SRGAP3: variants seen among roughly 807,000 people sequenced by gnomAD.
SRGAP3 encodes the protein SLIT-ROBO Rho GTPase-activating protein 3.
In SRGAP3, 39 loss-of-function variants were observed where a neutral mutation model predicts 121.1. The observed-to-expected ratio is 0.32, with a 90% CI of 0.25 to 0.42. The LOEUF (loss-of-function observed/expected upper bound fraction) is 0.42, where lower values mean the gene tolerates loss of function less well. SRGAP3 is among the 10% of genes least tolerant of loss of function. The pLI is 1.00. For missense variants in SRGAP3, 1,213 were observed against 1,470.6 expected, an observed-to-expected ratio of 0.82 and a Z score of 2.86; for synonymous variants, 601 against 570.0, an observed-to-expected ratio of 1.05 and a Z score of -0.77.
chr3:9,348,688 G>C, intron 1 of SRGAP3: 1 of 1,132,512 alleles, frequency 8.8e-7, no homozygotes, highest in Non-Finnish European at 1.3e-6. Context: ...CCAGTAGTGA[G>C]GATTGGTGCC....
intron 1 of SRGAP3, among the ~76,000 whole-genome samples, chr3:9,358,533 C>T (rs905351510): frequency 6.6e-6 from 1 of 152,212 alleles, no homozygotes; most frequent in South Asian, 2.1e-4. Flanking sequence ...AGCAGGCAAG[C>T]AATCAGTTCT....
chr3:9,113,298 C>T (rs1948695889), intron 2 of SRGAP3, among the ~76,000 whole-genome samples: 1 of 152,112 alleles, frequency 6.6e-6, no homozygotes, highest in East Asian at 1.9e-4. Context: ...AGGATCTGTC[C>T]CAGGCCTCTC....
chr3:9,202,039 GC>G (rs1174441617), intron 1 of SRGAP3, among the ~76,000 whole-genome samples: 1 of 151,810 alleles, frequency 6.6e-6, no homozygotes, highest in Non-Finnish European at 1.5e-5. Context: ...CCACAGTGAA[GC>G]CGGTTTCTTT....
intron 4 of SRGAP3, among the ~76,000 whole-genome samples, chr3:9,069,970 A>T (rs887073645): frequency 2.8e-4 from 43 of 152,310 alleles, no homozygotes; most frequent in African/African-American, 9.6e-4. Context: ...GAAAGAAAGA[A>T]AAGAAATAGC....
chr3:9,037,717 C>T, intron 11 of SRGAP3: 1 of 394,248 alleles, frequency 2.5e-6, no homozygotes, highest in South Asian at 2.9e-5. Context: ...GAGAGGTCAA[C>T]AGCCACCCCA....
At chr3:9,248,472 G>C (rs920760592) in intron 1 of SRGAP3, among the ~76,000 whole-genome samples, 6 of 152,038 alleles carry the variant, frequency 3.9e-5, no homozygotes, top group Non-Finnish European at 8.8e-5. Context: ...CCAAAAAGGG[G>C]GAGGAAAAAA....
intron 1 of SRGAP3, among the ~76,000 whole-genome samples, chr3:9,163,178 G>C (rs1950656481): frequency 6.6e-6 from 1 of 152,116 alleles, no homozygotes; most frequent in South Asian, 2.1e-4. Context: ...AGGCTGCCCT[G>C]GCTGAGATCA....
At chr3:9,214,734 G>T (rs921423296) in intron 1 of SRGAP3, among the ~76,000 whole-genome samples, 107 of 152,304 alleles carry the variant, frequency 7.0e-4, no homozygotes, top group African/African-American at 2.4e-3. Context: ...TGATTCAGAT[G>T]AAGGACCAGG....
chr3:9,139,469 A>G (rs1238990663), intron 1 of SRGAP3, among the ~76,000 whole-genome samples: 1 of 152,240 alleles, frequency 6.6e-6, no homozygotes, highest in Non-Finnish European at 1.5e-5. Context: ...ATAGAGGCAG[A>G]GATTGCAGTG....
At chr3:9,121,625 G>A (rs763653452) in intron 2 of SRGAP3, among the ~76,000 whole-genome samples, 5 of 152,232 alleles carry the variant, frequency 3.3e-5, no homozygotes, top group Non-Finnish European at 7.3e-5. Flanking sequence ...TGGGGCTCCC[G>A]TTCCGTCTGG....
intron 3 of SRGAP3, among the ~76,000 whole-genome samples, chr3:9,088,962 G>T (rs766696681): frequency 9.2e-5 from 14 of 152,084 alleles, no homozygotes; most frequent in Non-Finnish European, 1.6e-4. Context: ...ATGTATTTTA[G>T]TTTATGACCA....
intron 3 of SRGAP3, among the ~76,000 whole-genome samples, chr3:9,302,172 C>T (rs1007198555): frequency 1.3e-5 from 2 of 152,182 alleles, no homozygotes; most frequent in South Asian, 2.1e-4. Flanking sequence ...TTAGTGAGCC[C>T]CCAGGGCCCA....
At chr3:9,254,998 GGGAA>G (rs1002930877) in intron 3 of SRGAP3, among the ~76,000 whole-genome samples, 10 of 136,104 alleles carry the variant, frequency 7.3e-5, no homozygotes, top group African/African-American at 1.6e-4. Flanking sequence ...AGAAAGAAAG[GGGAA>G]GGAAGGAAGG....
At chr3:9,065,074 G>A (rs1465134684) in intron 4 of SRGAP3, among the ~76,000 whole-genome samples, 1 of 152,028 alleles carries the variant, frequency 6.6e-6, no homozygotes. Context: ...AATTGAATGG[G>A]AAACATCCTT....
At chr3:9,309,933 A>G (rs1292493192) in intron 3 of SRGAP3, among the ~76,000 whole-genome samples, 2 of 152,194 alleles carry the variant, frequency 1.3e-5, no homozygotes, top group African/African-American at 2.4e-5. Flanking sequence ...ATAAATATTT[A>G]CTGAGCATCT....
chr3:9,167,945 T>C (rs1405069237), intron 1 of SRGAP3, among the ~76,000 whole-genome samples: 1 of 152,114 alleles, frequency 6.6e-6, no homozygotes, highest in African/African-American at 2.4e-5. Context: ...TAATGACAAA[T>C]AATGGTAGCT....
intron 3 of SRGAP3, among the ~76,000 whole-genome samples, chr3:9,302,486 G>A (rs1270031691): frequency 6.6e-6 from 1 of 152,202 alleles, no homozygotes; most frequent in Non-Finnish European, 1.5e-5. Flanking sequence ...GTGGGCGTGG[G>A]GAGCTAGGTC....
At chr3:9,219,221 T>G (rs1307165238) in intron 1 of SRGAP3, 1 of 152,150 alleles carries the variant, frequency 6.6e-6, no homozygotes, top group Non-Finnish European at 1.5e-5. Flanking sequence ...GAGAGGCATC[T>G]TGCAGTTCCA....
At chr3:9,077,957 C>T (rs1947049219) in intron 4 of SRGAP3, among the ~76,000 whole-genome samples, 1 of 152,210 alleles carries the variant, frequency 6.6e-6, no homozygotes, top group South Asian at 2.1e-4. Context: ...GTTTCTCAGC[C>T]AAGACCTGAC....
Sources: allele counts gnomAD v4.1 joint callset (sites outside exome capture counted in the v4.1 genomes callset), GRCh38; gene constraint gnomAD v4.1.1; transcripts MANE v1.5; gene names NCBI Gene and HGNC (gene_info 2026-07-23, HGNC 2026-07-21).